Variants in ARL6IP6 observed in about 807,000 individuals in gnomAD.
The protein encoded by ARL6IP6 is ARF like GTPase 6 interacting protein 6.
In ARL6IP6, 22 loss-of-function variants were observed where a neutral mutation model predicts 21.5. That is an observed-to-expected ratio of 1.02 (90% CI 0.73 to 1.46). The LOEUF (loss-of-function observed/expected upper bound fraction) is 1.46. ARL6IP6 is among the 40% of genes most tolerant of loss of function. ARL6IP6 has a pLI of 0.00. For missense variants in ARL6IP6, 388 were observed against 299.8 expected, an observed-to-expected ratio of 1.29 and a Z score of -2.17; for synonymous variants, 164 against 125.3, an observed-to-expected ratio of 1.31 and a Z score of -2.06.
chr2:152,760,015 G>T lies in ARL6IP6; in HGVS notation c.*175G>T. On this transcript the variant is annotated 3_prime_UTR_variant, in exon 4 of 4. Transcript: ENST00000326446. The stretch of plus-strand genomic sequence containing the variant: ...ACCTTTTAAAGCATTGTTTTAGAAT[G>T]TCTGAGTATTAAGATACAGATTAAT... 1.8e-6 allele frequency: 1 copy of T among 547,268 alleles called. No homozygotes were observed. The highest frequency in any genetic ancestry group is 2.5e-5 in the South Asian group (1 of 40,098). The allele number at this position is 547,268 out of a possible 1,614,324, so 33.9% of individuals were successfully genotyped here.
At chr2:152,717,697 C>T, upstream of ARL6IP6, 1 of 1,398,250 alleles carries the variant, frequency 7.2e-7, no homozygotes, top group Non-Finnish European at 9.3e-7. Flanking sequence ...AAAACTCTAC[C>T]AACTTCCCCA....
At chr2:152,745,097 A>T (rs186157046) in intron 3 of ARL6IP6, among the ~76,000 whole-genome samples, 1 of 152,278 alleles carries the variant, frequency 6.6e-6, no homozygotes, top group Non-Finnish European at 1.5e-5. Flanking sequence ...ATACTTTGAC[A>T]TGTGAATTTC....
intron 2 of ARL6IP6, among the ~76,000 whole-genome samples, chr2:152,730,322 C>T (rs1199185240): frequency 1.3e-5 from 2 of 152,116 alleles, no homozygotes; most frequent in Non-Finnish European, 1.5e-5. Context: ...TTGTGTCTTT[C>T]CTCACTTATC....
intron 2 of ARL6IP6, among the ~76,000 whole-genome samples, chr2:152,724,287 G>A (rs985487206): frequency 4.6e-5 from 7 of 152,132 alleles, no homozygotes; most frequent in Non-Finnish European, 2.9e-5. Flanking sequence ...TAAGTTTAGA[G>A]AATAATGTTT....
rs185872427 is a variant in ARL6IP6, at chr2:152,749,911, A to G, written c.588-9836A>G. Among the ~76,000 whole-genome samples, 11 of 152,328 alleles carry G rather than the reference A, an allele frequency of 7.2e-5. No homozygotes were observed. The East Asian group carries it at 1.4e-3, about 19-fold the overall frequency. ...TTCTGGTTTTGCCATTGGGTACTCTATTTTACTACTTATTCTTTCATATGG... is the reference window on the plus strand; with the variant it reads ...TTCTGGTTTTGCCATTGGGTACTCTGTTTTACTACTTATTCTTTCATATGG... On this transcript the variant is annotated intron_variant, in intron 3 of 3. Transcript: ENST00000326446.
At chr2:152,723,551 A>C (rs988227300) in intron 2 of ARL6IP6, among the ~76,000 whole-genome samples, 1 of 152,256 alleles carries the variant, frequency 6.6e-6, no homozygotes, top group African/African-American at 2.4e-5. Context: ...ACGTGAGCAC[A>C]GTAACTGCTC....
chr2:152,717,668 C>T (rs878993363), upstream of ARL6IP6: 19 of 1,416,770 alleles, frequency 1.3e-5, no homozygotes, highest in South Asian at 1.7e-4. Context: ...GAAGTTTCTG[C>T]GCCGAGTCCT....
chr2:152,743,738 A>G (rs1280678091), intron 3 of ARL6IP6, among the ~76,000 whole-genome samples: 1 of 152,188 alleles, frequency 6.6e-6, no homozygotes, highest in East Asian at 1.9e-4. Flanking sequence ...TCAACTATAT[A>G]AATGGAAATA....
At position 152,734,963 on chromosome 2, in the gene ARL6IP6, T is replaced by C. The variant is rs373042137; in HGVS notation, c.455-31T>C. ...ATTTAAATTGTTTTGGTGTTAATAA[T>C]GTACTTTTTCCCCTCTCTTTTCCTG... On this transcript the variant is annotated intron_variant, in intron 2 of 3. Transcript: ENST00000326446. The C allele has an allele frequency of 4.1e-4, 655 of 1,595,498 alleles. 1 individual carries two copies. Among genetic ancestry groups the C allele is most frequent in the African/African-American group, 1.8e-3 (133 of 74,442 alleles).
At chr2:152,730,343 A>G (rs2105113578) in intron 2 of ARL6IP6, among the ~76,000 whole-genome samples, 2 of 152,266 alleles carry the variant, frequency 1.3e-5, no homozygotes, top group Middle Eastern at 3.4e-3. Context: ...TAGAAGTTTC[A>G]TCGTTCTATA....
intron 3 of ARL6IP6, among the ~76,000 whole-genome samples, chr2:152,742,714 T>C (rs577785540): frequency 1.3e-5 from 2 of 152,234 alleles, no homozygotes; most frequent in East Asian, 3.9e-4. Context: ...TGAACAAGTC[T>C]ACCTTTTAAG....
intron 3 of ARL6IP6, among the ~76,000 whole-genome samples, chr2:152,744,024 A>G (rs555748654): frequency 6.6e-6 from 1 of 152,158 alleles, no homozygotes; most frequent in South Asian, 2.1e-4. Flanking sequence ...CTTACAAGTG[A>G]ACATGAGTCT....
At chr2:152,755,613 C>G (rs1273352173) in intron 3 of ARL6IP6, among the ~76,000 whole-genome samples, 1 of 152,206 alleles carries the variant, frequency 6.6e-6, no homozygotes, top group Non-Finnish European at 1.5e-5. Context: ...AGAGAAGGGC[C>G]CCCTGTCCAG....
intron 3 of ARL6IP6, among the ~76,000 whole-genome samples, chr2:152,740,761 G>A (rs1700771946): frequency 6.6e-6 from 1 of 151,972 alleles, no homozygotes; most frequent in African/African-American, 2.4e-5. Context: ...TATACATTTT[G>A]TATTTGTACA....
chr2:152,728,141 G>T (rs548322702), intron 2 of ARL6IP6, among the ~76,000 whole-genome samples: 1 of 152,100 alleles, frequency 6.6e-6, no homozygotes, highest in Non-Finnish European at 1.5e-5. Context: ...AGTATATTCT[G>T]TATTAGTATA....
chr2:152,718,338 A>C (rs551309062), upstream of ARL6IP6: 26 of 340,616 alleles, frequency 7.6e-5, 2 homozygotes, highest in South Asian at 2.9e-3. Context: ...CCCCGCAGGG[A>C]GTGGATACTC....
rs1440397174 is a variant in ARL6IP6 at position 152,760,664 on chromosome 2, C to T, written c.*824C>T. 1 of 151,668 alleles carries T rather than the reference C, an allele frequency of 6.6e-6. No homozygotes were observed. Among genetic ancestry groups the T allele is most frequent in the Non-Finnish European group, 1.5e-5 (1 of 67,858 alleles). 9.4% of individuals were successfully genotyped at this position (151,668 alleles called of 1,614,324 possible). ...ATTGAGAAAAAATTTGAAATTTTTA[C>T]TATTTCTGTTTCCACAATTCCAAAT... On this transcript the variant is annotated 3_prime_UTR_variant, in exon 4 of 4. Coordinates refer to ENST00000326446, the MANE Select transcript of ARL6IP6 (RefSeq NM_152522.7).
chr2:152,730,559 C>T (rs983944984), intron 2 of ARL6IP6, among the ~76,000 whole-genome samples: 3 of 151,892 alleles, frequency 2.0e-5, no homozygotes, highest in Admixed American at 6.6e-5. Context: ...TACCCTCTAT[C>T]CTGATAGATT....
At chr2:152,719,395 G>A (rs1027046910) in intron 1 of ARL6IP6, among the ~76,000 whole-genome samples, 7 of 152,134 alleles carry the variant, frequency 4.6e-5, no homozygotes, top group African/African-American at 1.4e-4. Context: ...ATGTTCAATG[G>A]CCTTCATCCA....
Sources: allele counts gnomAD v4.1 joint callset (sites outside exome capture counted in the v4.1 genomes callset), GRCh38; gene constraint gnomAD v4.1.1; transcripts MANE v1.5; gene names NCBI Gene and HGNC (gene_info 2026-07-23, HGNC 2026-07-21).